RANGAP1: variants seen among roughly 807,000 people sequenced by gnomAD.
The protein encoded by RANGAP1 is ran GTPase-activating protein 1.
A neutral mutation model predicts 63.5 loss-of-function variants in RANGAP1; 38 were observed. The ratio of observed to expected loss-of-function variants is 0.60; its 90% CI spans 0.46 to 0.78. RANGAP1 has a LOEUF of 0.78. Ranked by LOEUF, RANGAP1 falls within the 30% of genes least tolerant of loss-of-function variation. The pLI, the probability that RANGAP1 is intolerant of heterozygous loss-of-function variation, is 0.00. For synonymous variants in RANGAP1, 329 were observed against 310.5 expected (o/e 1.06, Z -0.63); for missense variants, 630 against 740.3 (o/e 0.85, Z 1.73).
chr22:41,292,747 A>G, the RANGAP1 span, among the ~76,000 whole-genome samples: 1 of 152,104 alleles, frequency 6.6e-6, no homozygotes, highest in East Asian at 2.0e-4. Context: ...CTCCGTCTCA[A>G]AATAAATAAA....
At chr22:41,293,228 C>A in the RANGAP1 span, among the ~76,000 whole-genome samples, 1 of 146,614 alleles carries the variant, frequency 6.8e-6, no homozygotes, top group Admixed American at 6.8e-5. Context: ...GAGGGAGACT[C>A]CTCTCAAAAA....
At chr22:41,284,273 T>C (rs1463724789) in intron 1 of RANGAP1, among the ~76,000 whole-genome samples, 2 of 150,864 alleles carry the variant, frequency 1.3e-5, no homozygotes, top group Non-Finnish European at 3.0e-5. Context: ...TAAAATAAAA[T>C]AAAAATTAAC....
At chr22:41,294,795 G>T in the RANGAP1 span, among the ~76,000 whole-genome samples, 1 of 123,904 alleles carries the variant, frequency 8.1e-6, no homozygotes, top group African/African-American at 3.1e-5. Context: ...CGTCTGAGAA[G>T]TGAGGAGCCC....
chr22:41,297,079 G>A, the RANGAP1 span, among the ~76,000 whole-genome samples: 2 of 152,130 alleles, frequency 1.3e-5, no homozygotes, highest in Admixed American at 6.5e-5. Flanking sequence ...GTGTGGTGGC[G>A]CATATCTGTA....
In RANGAP1 at chr22:41,249,304, CGGCAGAAGGACAA is replaced by C; in HGVS notation, c.1694+13_1694+25del. 1 of 1,567,422 alleles carries C rather than the reference CGGCAGAAGGACAA, an allele frequency of 6.4e-7. No homozygotes were observed. Among genetic ancestry groups the C allele is most frequent in the East Asian group, 2.3e-5 (1 of 44,408 alleles). On this transcript the variant is annotated intron_variant, in intron 15 of 15. Transcript: ENST00000356244. ...CAGAGAAGCCCGAGAGGGCAGGCAC[CGGCAGAAGGACAA>C]GGCCACACTCACTTGGTCACGAACG...
chr22:41,257,890 A>G lies in RANGAP1; in HGVS notation c.774+58T>C, dbSNP rs1461707781. ...AAACGGAGCCCCAGCTTCCCTGGAA[A>G]GACAGCAGCCAGCCTCTATCTGGCG... On this transcript the variant is annotated intron_variant, in intron 7 of 15. Transcript: ENST00000356244. The surrounding 1 kb of genome is among the most constrained non-coding windows in gnomAD (Gnocchi z 4.0). 2.0e-6 allele frequency: 3 copies of G among 1,526,462 alleles called. No individual in the cohort carries two copies. The highest frequency in any genetic ancestry group is 2.5e-5 in the South Asian group (2 of 80,010). The allele number at this position is 1,526,462 out of a possible 1,614,324, so 94.6% of individuals were successfully genotyped here. A position where few individuals can be genotyped will look rare whatever the true frequency, so the allele number is the denominator to read the frequency against.
At chr22:41,277,591 G>C (rs1005524148) in intron 2 of RANGAP1, 2 of 949,118 alleles carry the variant, frequency 2.1e-6, no homozygotes, top group Non-Finnish European at 2.8e-6. Flanking sequence ...GGTCAAGAAG[G>C]GTCTTGAGAA....
chr22:41,250,209 AC>A (rs2033344651), intron 13 of RANGAP1, among the ~76,000 whole-genome samples: 1 of 152,182 alleles, frequency 6.6e-6, no homozygotes, highest in Non-Finnish European at 1.5e-5. Context: ...TTCCTGGGAA[AC>A]AGAACTAGGG....
the RANGAP1 span, among the ~76,000 whole-genome samples, chr22:41,297,142 G>A: frequency 1.3e-5 from 2 of 152,164 alleles, no homozygotes; most frequent in African/African-American, 4.8e-5. Flanking sequence ...CTCCTGGGAG[G>A]TGGAGGTTGC....
Position 41,246,524 on chromosome 22 carries a change from G to A in RANGAP1, c.*79C>T. 1 of 1,429,202 alleles carries A rather than the reference G, an allele frequency of 7.0e-7. No homozygotes were observed. The highest frequency in any genetic ancestry group is 9.6e-7 in the Non-Finnish European group (1 of 1,039,318). 88.5% of individuals were successfully genotyped at this position (1,429,202 alleles called of 1,614,324 possible). A position where few individuals can be genotyped will look rare whatever the true frequency, so the allele number is the denominator to read the frequency against. ...TGGCCAGAGTCCTGTCCAAGGCAAT[G>A]GCGTAGGCTGCGCCTCAGTTCATCC... On this transcript the variant is annotated 3_prime_UTR_variant, in exon 16 of 16. Transcript: ENST00000356244.
intron 1 of RANGAP1, chr22:41,281,711 T>C (rs2035500513): frequency 1.1e-6 from 1 of 892,864 alleles, no homozygotes; most frequent in Non-Finnish European, 1.3e-6. Context: ...ACCATCATAA[T>C]AGGACAGGGA....
upstream of RANGAP1, among the ~76,000 whole-genome samples, chr22:41,290,149 A>C (rs1242111520): frequency 8.6e-6 from 1 of 116,224 alleles, no homozygotes. Flanking sequence ...GTCTCAAAGA[A>C]AAAAAAAAAA....
the RANGAP1 span, among the ~76,000 whole-genome samples, chr22:41,294,672 G>A: frequency 3.7e-5 from 5 of 136,762 alleles, no homozygotes; most frequent in African/African-American, 5.6e-5. Context: ...GCCGCCCATC[G>A]TCTGAGATGT....
chr22:41,247,858 G>A (rs2033154412), intron 15 of RANGAP1, among the ~76,000 whole-genome samples: 1 of 152,246 alleles, frequency 6.6e-6, no homozygotes, highest in South Asian at 2.1e-4. Context: ...GTCCGTGCAT[G>A]TCACTACATA....
intron 10 of RANGAP1, 111 bp from the exon 11 acceptor site, chr22:41,254,605 C>T: frequency 6.7e-7 from 1 of 1,485,010 alleles, no homozygotes; most frequent in South Asian, 1.4e-5. Context: ...GGGAGAGAGC[C>T]TGGTGGGGTG....
chr22:41,280,970 G>C lies in RANGAP1; in HGVS notation c.75C>G (p.Phe25Leu). Residue 25 changes from phenylalanine to leucine, a missense_variant, in exon 2 of 16, where the codon TTC becomes TTG. By Grantham distance (22) the Phe-to-Leu change is conservative. Transcript: ENST00000356244. ...TGTTGAGTTTGAGGCTCTTGCCTTT[G>C]AAACTCAGCTGTCCCCCGGCCACCT... ...KTQVAGGQLSFKGKSLKLNTA... is the reference protein window; with the variant it reads ...KTQVAGGQLSLKGKSLKLNTA... 1 of 1,613,930 alleles carries C rather than the reference G, an allele frequency of 6.2e-7. No homozygotes were observed. Among genetic ancestry groups the C allele is most frequent in the Non-Finnish European group, 8.5e-7 (1 of 1,180,022 alleles).
intron 13 of RANGAP1, among the ~76,000 whole-genome samples, chr22:41,250,085 C>T (rs1056658611): frequency 6.6e-6 from 1 of 152,248 alleles, no homozygotes; most frequent in African/African-American, 2.4e-5. Context: ...GGGGATGACA[C>T]CCACTGTGCC....
At chr22:41,301,898 C>A in the RANGAP1 span, 1 of 151,506 alleles carries the variant, frequency 6.6e-6, no homozygotes, top group Non-Finnish European at 1.5e-5. Flanking sequence ...CGAAGAGAGC[C>A]CTTTCCAGGC....
chr22:41,256,563 G>A, intron 8 of RANGAP1, 148 bp downstream of exon 8: 1 of 701,880 alleles, frequency 1.4e-6, no homozygotes. Context: ...AGAGGGGTGT[G>A]GAGGCTCACA....
Sources: gnomAD v4.1 joint callset for allele counts (sites outside exome capture counted in the v4.1 genomes callset) on GRCh38, gnomAD v4.1.1 for gene constraint, Gnocchi (gnomAD v3.1) non-coding constraint, MANE v1.5 for transcripts, NCBI Gene and HGNC (gene_info 2026-07-23, HGNC 2026-07-21) for gene names.